MACROD2: variants seen among roughly 807,000 people sequenced by gnomAD.
The protein encoded by MACROD2 is ADP-ribose glycohydrolase MACROD2.
In MACROD2, 36 loss-of-function variants were observed where a neutral mutation model predicts 70.4. The ratio of observed to expected loss-of-function variants is 0.51; its 90% CI spans 0.39 to 0.68. The LOEUF (loss-of-function observed/expected upper bound fraction) is 0.68, where lower values mean the gene tolerates loss of function less well. Ranked by LOEUF, MACROD2 falls within the 30% of genes least tolerant of loss-of-function variation. MACROD2 has a pLI of 0.00. For synonymous variants in MACROD2, 172 were observed against 178.8 expected (o/e 0.96, Z 0.30); for missense variants, 496 against 538.4 (o/e 0.92, Z 0.78).
At chr20:14,417,577 C>G (rs187983682) in intron 3 of MACROD2, among the ~76,000 whole-genome samples, 1 of 152,234 alleles carries the variant, frequency 6.6e-6, no homozygotes, top group East Asian at 1.9e-4. Flanking sequence ...TGAGAGAGCT[C>G]TCTATTTGAA....
rs139913210 is a variant in MACROD2, at chr20:14,639,605, T to A, written c.302-45238T>A. On this transcript the variant is annotated intron_variant, in intron 4 of 17. Transcript: ENST00000684519. ...ATTCAGTGAGAATTTTGCCACCATT[T>A]TTCCTCTTTCAGAAGTTGATTACAG... 5.3e-4 allele frequency among the ~76,000 whole-genome samples: 81 copies of A among 152,310 alleles called. No homozygotes were observed. In the East Asian group the frequency reaches 0.014, roughly 26 times the overall value.
At position 14,073,215 on chromosome 20, in the gene MACROD2, A is replaced by C. The variant is rs2053872758; in HGVS notation, c.164-12406A>C. On this transcript the variant is annotated intron_variant, in intron 2 of 17. Transcript: ENST00000684519. ...GCCAGGCATGGTGGCGCATGCCTGTAATCCCAGCTACTTGGGAGGCTGAGG... is the reference window on the plus strand; with the variant it reads ...GCCAGGCATGGTGGCGCATGCCTGTCATCCCAGCTACTTGGGAGGCTGAGG... 2.0e-5 allele frequency among the ~76,000 whole-genome samples: 3 copies of C among 151,968 alleles called. 1 individual carries two copies. The South Asian group carries it at 6.2e-4, about 32-fold the overall frequency.
chr20:14,955,010 T>C (rs2074517374), intron 5 of MACROD2, among the ~76,000 whole-genome samples: 1 of 118,386 alleles, frequency 8.4e-6, no homozygotes, highest in Admixed American at 9.6e-5. Flanking sequence ...TATTTATATT[T>C]ATATTATATA....
chr20:15,471,933 A>G (rs1023657676), intron 7 of MACROD2, among the ~76,000 whole-genome samples: 1 of 152,190 alleles, frequency 6.6e-6, no homozygotes, highest in Non-Finnish European at 1.5e-5. Context: ...TTACTTAAAA[A>G]CAAACAAGCA....
rs2064129539 is a variant in MACROD2, at chr20:15,837,694, T to A, written c.646-25051T>A. On this transcript the variant is annotated intron_variant, in intron 8 of 17. Transcript: ENST00000684519. Reference sequence around the variant, plus strand: ...CCCCATATTATTAACAAAACAATTTTATTAACATATATATTGGCCTCTGAG... The same window carrying A: ...CCCCATATTATTAACAAAACAATTTAATTAACATATATATTGGCCTCTGAG... 2.0e-5 allele frequency among the ~76,000 whole-genome samples: 3 copies of A among 152,188 alleles called. No individual in the cohort carries two copies. In the South Asian group the frequency reaches 6.2e-4, roughly 32 times the overall value.
intron 8 of MACROD2, among the ~76,000 whole-genome samples, chr20:15,605,326 T>C (rs187903170): frequency 0.023 from 3,418 of 151,330 alleles, 46 homozygotes; most frequent in East Asian, 0.058. Flanking sequence ...GTAATATAGA[T>C]TTTTTTTTCA....
intron 8 of MACROD2, among the ~76,000 whole-genome samples, chr20:15,575,075 G>T (rs2048427561): frequency 6.6e-6 from 1 of 152,136 alleles, no homozygotes; most frequent in African/African-American, 2.4e-5. Context: ...ATCTAGAAAA[G>T]AAAGGTAGCC....
At chr20:15,510,467 CA>C (rs1206858301) in intron 8 of MACROD2, among the ~76,000 whole-genome samples, 1 of 151,902 alleles carries the variant, frequency 6.6e-6, no homozygotes, top group Non-Finnish European at 1.5e-5. Context: ...CAGGGAAAAA[CA>C]AAAAAGGCAT....
intron 15 of MACROD2, among the ~76,000 whole-genome samples, chr20:16,032,747 A>C (rs2067169385): frequency 8.3e-6 from 1 of 120,738 alleles, no homozygotes; most frequent in Non-Finnish European, 1.8e-5. Context: ...GAAGGGAAGA[A>C]AGGGAGGAGG....
chr20:14,153,219 T>C (rs2055049564), intron 3 of MACROD2, among the ~76,000 whole-genome samples: 1 of 152,162 alleles, frequency 6.6e-6, no homozygotes, highest in African/African-American at 2.4e-5. Context: ...CTTTCATTAG[T>C]AGTAAGGTGT....
intron 5 of MACROD2, among the ~76,000 whole-genome samples, chr20:14,895,795 T>G (rs1044464902): frequency 6.6e-6 from 1 of 152,146 alleles, no homozygotes; most frequent in African/African-American, 2.4e-5. Flanking sequence ...TTAGGTTCCT[T>G]TCTAGTTGAG....
intron 5 of MACROD2, among the ~76,000 whole-genome samples, chr20:14,959,336 G>T (rs1352309302): frequency 6.6e-6 from 1 of 152,016 alleles, no homozygotes. Flanking sequence ...CGCCATGTTG[G>T]TCAGGCTTGT....
chr20:15,116,249 T>C (rs1890980467), intron 5 of MACROD2, among the ~76,000 whole-genome samples: 1 of 152,226 alleles, frequency 6.6e-6, no homozygotes, highest in South Asian at 2.1e-4. Context: ...TGTTCACCTC[T>C]GAGATGGTAA....
At chr20:14,283,064 A>T (rs1020387309) in intron 3 of MACROD2, among the ~76,000 whole-genome samples, 2 of 152,184 alleles carry the variant, frequency 1.3e-5, no homozygotes, top group African/African-American at 4.8e-5. Flanking sequence ...CTGCTTCTTG[A>T]TGGGAAGAGT....
At chr20:15,930,294 A>G (rs2065555247) in intron 10 of MACROD2, among the ~76,000 whole-genome samples, 1 of 152,184 alleles carries the variant, frequency 6.6e-6, no homozygotes, top group Admixed American at 6.6e-5. Flanking sequence ...AACTGTGTTA[A>G]TGTGCCTTGC....
intron 2 of MACROD2, among the ~76,000 whole-genome samples, chr20:14,078,775 A>AT (rs1447627113): frequency 1.3e-5 from 2 of 152,064 alleles, no homozygotes; most frequent in African/African-American, 4.8e-5. Flanking sequence ...ATGTCAAAGG[A>AT]TTTTTTCTTT....
At chr20:15,046,924 A>G (rs2075399088) in intron 5 of MACROD2, among the ~76,000 whole-genome samples, 1 of 152,186 alleles carries the variant, frequency 6.6e-6, no homozygotes, top group Admixed American at 6.5e-5. Flanking sequence ...CATTTTGTCA[A>G]CTATACTTCA....
chr20:15,407,050 A>G (rs1313179075), intron 6 of MACROD2, among the ~76,000 whole-genome samples: 1 of 152,158 alleles, frequency 6.6e-6, no homozygotes, highest in African/African-American at 2.4e-5. Flanking sequence ...GAGCCAAGTG[A>G]CTGGTTCCGA....
chr20:15,279,250 A>G (rs1021817834), intron 6 of MACROD2, among the ~76,000 whole-genome samples: 1 of 152,180 alleles, frequency 6.6e-6, no homozygotes, highest in East Asian at 1.9e-4. Context: ...AGGTCATGGC[A>G]TTTTGAACCC....
Sources: gnomAD v4.1 joint callset for allele counts (sites outside exome capture counted in the v4.1 genomes callset) on GRCh38, gnomAD v4.1.1 for gene constraint, MANE v1.5 for transcripts, NCBI Gene and HGNC (gene_info 2026-07-23, HGNC 2026-07-21) for gene names.